Variants in WT1 observed in about 807,000 individuals in gnomAD.
WT1 encodes Wilms tumor protein.
In WT1, 8 loss-of-function variants were observed where a neutral mutation model predicts 60.8. The ratio of observed to expected loss-of-function variants is 0.13; its 90% CI spans 0.08 to 0.24. The LOEUF (loss-of-function observed/expected upper bound fraction) is 0.24. Among genes scored for constraint, WT1 ranks in the 10% least tolerant of loss-of-function variants. WT1 has a pLI of 1.00. For synonymous variants in WT1, 312 were observed against 297.1 expected (o/e 1.05, Z -0.52); for missense variants, 568 against 711.8 (o/e 0.80, Z 2.30).
chr11:32,411,465 T>G (rs1349316897), intron 5 of WT1, among the ~76,000 whole-genome samples: 1 of 152,192 alleles, frequency 6.6e-6, no homozygotes, highest in African/African-American at 2.4e-5. Flanking sequence ...AGAAAGAAAA[T>G]GACACAAATG....
At chr11:32,398,874 G>C (rs918259823) in intron 6 of WT1, among the ~76,000 whole-genome samples, 1 of 151,050 alleles carries the variant, frequency 6.6e-6, no homozygotes, top group East Asian at 1.9e-4. Flanking sequence ...AAAAAAGACC[G>C]AGCCGGGCAC....
At chr11:32,407,432 A>G (rs7938016) in intron 5 of WT1, among the ~76,000 whole-genome samples, 42,600 of 151,982 alleles carry the variant, frequency 0.28, 6,739 homozygotes, top group East Asian at 0.68. Context: ...AGAAAAGAAA[A>G]AGAGCCTTTG....
At position 32,416,326 on chromosome 11, in the gene WT1, T is replaced by A. The variant is rs2234589; in HGVS notation, c.1016+164A>T. 0.054 allele frequency among the ~76,000 whole-genome samples: 8,211 copies of A among 151,820 alleles called. 389 individuals are homozygous for A. Among genetic ancestry groups the A allele is most frequent in the African/African-American group, 0.13 (5,224 of 41,426 alleles). ...TACTCCCTCCATTTTGTCCCCAGCATGTGTATGATGAATAAGAAGAGGTGG... is the reference window on the plus strand; with the variant it reads ...TACTCCCTCCATTTTGTCCCCAGCAAGTGTATGATGAATAAGAAGAGGTGG... On this transcript the variant is annotated intron_variant, in intron 5 of 9. Coordinates refer to ENST00000452863, the MANE Select transcript of WT1 (RefSeq NM_024426.6).
chr11:32,391,075 C>T (rs545032735), intron 9 of WT1, among the ~76,000 whole-genome samples: 1 of 152,124 alleles, frequency 6.6e-6, no homozygotes, highest in Non-Finnish European at 1.5e-5. Flanking sequence ...GCCTCCCAAG[C>T]AAGGTCTAGT....
chr11:32,428,703 G>GT (rs1409583591), intron 1 of WT1, 84 bp from the exon 2 acceptor site: 12 of 1,553,712 alleles, frequency 7.7e-6, no homozygotes, highest in African/African-American at 1.4e-5. Context: ...ACGGGCGGGG[G>GT]GGGTGTGCGC....
At chr11:32,400,403 G>A in intron 5 of WT1, 1 of 386,414 alleles carries the variant, frequency 2.6e-6, no homozygotes, top group Non-Finnish European at 5.0e-6. Flanking sequence ...TCAGGAATGA[G>A]CAGAATGCCT....
intron 7 of WT1, 47 bp downstream of exon 7, chr11:32,396,210 A>C (rs1400564181): frequency 6.2e-7 from 1 of 1,612,922 alleles, no homozygotes; most frequent in South Asian, 1.1e-5. Flanking sequence ...CTGGAAAAGG[A>C]GCTCTTGAAC....
At chr11:32,422,042 C>T (rs1430222963) in intron 3 of WT1, among the ~76,000 whole-genome samples, 5 of 152,374 alleles carry the variant, frequency 3.3e-5, no homozygotes, top group African/African-American at 1.2e-4. Flanking sequence ...CTGTGTCCCA[C>T]ACCAACAGAA....
intron 9 of WT1, among the ~76,000 whole-genome samples, chr11:32,389,774 C>T (rs914267439): frequency 6.6e-6 from 1 of 151,496 alleles, no homozygotes; most frequent in Non-Finnish European, 1.5e-5. Flanking sequence ...AGAGCATAAT[C>T]CTGTTATATG....
At chr11:32,399,440 C>G (rs1466366355) in intron 6 of WT1, among the ~76,000 whole-genome samples, 1 of 152,088 alleles carries the variant, frequency 6.6e-6, no homozygotes, top group Non-Finnish European at 1.5e-5. Flanking sequence ...CAAAATGGTA[C>G]TAATAGGGTA....
chr11:32,430,404 A>AAG, intron 1 of WT1: 4 of 1,319,114 alleles, frequency 3.0e-6, no homozygotes, highest in Non-Finnish European at 4.1e-6. Flanking sequence ...GGACACTAAA[A>AAG]AGAGAGAGAG....
In WT1 at chr11:32,388,901, T is replaced by C; in HGVS notation, c.*157A>G. The C allele has an allele frequency of 7.4e-7, 1 of 1,358,070 alleles. No individual in the cohort carries two copies. Among genetic ancestry groups the C allele is most frequent in the South Asian group, 1.3e-5 (1 of 76,536 alleles). The allele number at this position is 1,358,070 out of a possible 1,614,324, so 84.1% of individuals were successfully genotyped here. On this transcript the variant is annotated 3_prime_UTR_variant, in exon 10 of 10. Coordinates refer to ENST00000452863, the MANE Select transcript of WT1 (RefSeq NM_024426.6). Reference sequence around the variant, plus strand: ...AGAGACCAACTCTTCCAGGCACACCTGGTAGTTTCCAGAAGCACCGGTATC... The same window carrying C: ...AGAGACCAACTCTTCCAGGCACACCCGGTAGTTTCCAGAAGCACCGGTATC...
At chr11:32,430,445 AG>A in intron 1 of WT1, 2 of 1,350,172 alleles carry the variant, frequency 1.5e-6, no homozygotes, top group African/African-American at 1.7e-5. Flanking sequence ...AGAGAGAGAG[AG>A]AGAGGGAGGG....
chr11:32,404,034 GA>G (rs1407407735), intron 5 of WT1, among the ~76,000 whole-genome samples: 1 of 152,024 alleles, frequency 6.6e-6, no homozygotes, highest in Non-Finnish European at 1.5e-5. Context: ...AGCACTTTGG[GA>G]GGCCGAGGCA....
chr11:32,419,153 G>A (rs1470904681), intron 3 of WT1, among the ~76,000 whole-genome samples: 2 of 152,108 alleles, frequency 1.3e-5, no homozygotes, highest in Non-Finnish European at 2.9e-5. Context: ...ACAAATTCTT[G>A]CTGTAAGGCT....
chr11:32,428,510 C>A lies in WT1; in HGVS notation c.771G>T (p.Gln257His), dbSNP rs1853140764. ...CCGCTCGCTTACCCAGCGAGCCCTG[C>A]TGGCCCATGGGATCCTCATGCTTGA... Residue 257 changes from glutamine (Q) to histidine (H), a missense_variant, in exon 2 of 10, where the codon CAG becomes CAT. Physicochemically the swap from Gln to His is conservative, Grantham distance 24. Around this residue, in one of 3 missense-constraint regions of WT1, gnomAD observed 523 missense variants for 565.1 expected, o/e 0.93. Coordinates refer to ENST00000452863, the MANE Select transcript of WT1 (RefSeq NM_024426.6). The A allele has an allele frequency of 6.2e-7, 1 of 1,614,010 alleles. No homozygotes were observed. Among genetic ancestry groups the A allele is most frequent in the Non-Finnish European group, 8.5e-7 (1 of 1,180,046 alleles).
intron 3 of WT1, among the ~76,000 whole-genome samples, chr11:32,425,038 C>T (rs1441820880): frequency 6.6e-6 from 1 of 152,098 alleles, no homozygotes; most frequent in African/African-American, 2.4e-5. Flanking sequence ...ATTAGCTGGG[C>T]ATGGTGGCCA....
chr11:32,434,559 C>T, intron 1 of WT1, 141 bp downstream of exon 1: 1 of 1,488,738 alleles, frequency 6.7e-7, no homozygotes, highest in South Asian at 1.3e-5. Flanking sequence ...CCCCAGCCGC[C>T]GCTTCCGCTA....
rs1051337264 is a variant in WT1 at position 32,428,158 on chromosome 11, G to C, written c.785-100C>G. 3 of 1,129,458 alleles carry C rather than the reference G, an allele frequency of 2.7e-6. No individual in the cohort carries two copies. The African/African-American group carries it at 4.7e-5, about 18-fold the overall frequency. 70.0% of individuals were successfully genotyped at this position (1,129,458 alleles called of 1,614,324 possible). On this transcript the variant is annotated intron_variant, in intron 2 of 9. Transcript: ENST00000452863. ...GGGGAGACACGAGATCCTGAGCCTG[G>C]GGCACTGGGGCCTGGATGAGCGGCG... is the stretch of plus-strand genomic sequence containing the variant.
Sources: allele counts gnomAD v4.1 joint callset (sites outside exome capture counted in the v4.1 genomes callset), GRCh38; gene constraint gnomAD v4.1.1; regional missense constraint gnomAD v4.1.1; transcripts MANE v1.5; gene names NCBI Gene and HGNC (gene_info 2026-07-23, HGNC 2026-07-21).